The following SLC35D1 variants were observed in gnomAD, a reference collection of about 807,000 sequenced individuals.
The protein encoded by SLC35D1 is solute carrier family 35 member D1, also known as nucleotide sugar transporter SLC35D1.
SLC35D1 carries 31 observed loss-of-function variants against 46.7 expected under a neutral mutation model. That is an observed-to-expected ratio of 0.66 (90% confidence interval 0.50 to 0.90). SLC35D1 has a LOEUF of 0.90. SLC35D1 is among the 40% of genes least tolerant of loss of function. The pLI is 0.00. For missense variants in SLC35D1, 397 were observed against 426.2 expected (o/e 0.93, Z 0.60); for synonymous variants, 195 against 164.6 (o/e 1.18, Z -1.41).
chr1:67,007,433 A>T (rs910164469), intron 11 of SLC35D1, among the ~76,000 whole-genome samples: 3 of 151,678 alleles, frequency 2.0e-5, no homozygotes, highest in Non-Finnish European at 2.9e-5. Context: ...TTGGGAGTTG[A>T]GAGTTCAACA....
intron 3 of SLC35D1, 93 bp downstream of exon 3, chr1:67,052,678 G>T (rs1570648773): frequency 7.6e-7 from 1 of 1,318,626 alleles, no homozygotes; most frequent in Non-Finnish European, 1.1e-6. Flanking sequence ...CAATTTTGAG[G>T]CTGCAATTTT....
chr1:66,994,343 A>G, the SLC35D1 span, among the ~76,000 whole-genome samples: 1 of 152,190 alleles, frequency 6.6e-6, no homozygotes, highest in Non-Finnish European at 1.5e-5. Context: ...GATGAAAACA[A>G]TAAGATATTA....
At chr1:67,033,800 T>C (rs902258527) in intron 8 of SLC35D1, among the ~76,000 whole-genome samples, 4 of 152,210 alleles carry the variant, frequency 2.6e-5, no homozygotes, top group Non-Finnish European at 5.9e-5. Context: ...TATTTTCTTC[T>C]ACTAGTTTCA....
In SLC35D1 at chr1:67,035,735, T is replaced by TAG. The variant is rs1668108579; in HGVS notation, c.729+6500_729+6501insCT. Among the ~76,000 whole-genome samples the TAG allele has an allele frequency of 2.6e-5, 4 of 151,794 alleles. No homozygotes were observed. In the South Asian group the frequency reaches 8.3e-4, roughly 31 times the overall value. On this transcript the variant is annotated intron_variant, in intron 8 of 11. Coordinates refer to ENST00000235345, the MANE Select transcript of SLC35D1 (RefSeq NM_015139.3). Reference sequence around the variant, plus strand: ...TTCTTTTCTTCTACTAATTTTGGGTTTGGAACCCAAAAGAACTTGCTTTTC... The same window carrying TAG: ...TTCTTTTCTTCTACTAATTTTGGGTTAGTGGAACCCAAAAGAACTTGCTTTTC...
the SLC35D1 span, among the ~76,000 whole-genome samples, chr1:66,977,298 C>CG: frequency 6.6e-6 from 1 of 151,810 alleles, no homozygotes; most frequent in South Asian, 2.1e-4. Flanking sequence ...TTATTAGAGA[C>CG]GGGGTTTCAC....
At chr1:66,997,592 T>C (rs903441980), downstream of SLC35D1, among the ~76,000 whole-genome samples, 30 of 141,890 alleles carry the variant, frequency 2.1e-4, no homozygotes, top group Non-Finnish European at 6.1e-5. Flanking sequence ...CACACAGATA[T>C]AGAGATGTAT....
At chr1:66,973,019 A>G in the SLC35D1 span, 13 of 1,316,204 alleles carry the variant, frequency 9.9e-6, no homozygotes, top group Admixed American at 1.7e-5. Context: ...CTTTTTTGCA[A>G]AAAGAAATTT....
chr1:66,976,128 C>T, the SLC35D1 span, among the ~76,000 whole-genome samples: 72 of 151,898 alleles, frequency 4.7e-4, no homozygotes, highest in Admixed American at 4.5e-3. Flanking sequence ...CTCAGCCTCC[C>T]GAGTAGCTGG....
At chr1:67,051,343 G>GT (rs1570647522) in intron 4 of SLC35D1, among the ~76,000 whole-genome samples, 1 of 152,194 alleles carries the variant, frequency 6.6e-6, no homozygotes, top group Non-Finnish European at 1.5e-5. Context: ...AAGCCATGGG[G>GT]TTTCTGTTAA....
chr1:67,030,101 C>T (rs746235499), intron 8 of SLC35D1, among the ~76,000 whole-genome samples: 4 of 151,918 alleles, frequency 2.6e-5, no homozygotes, highest in Non-Finnish European at 4.4e-5. Context: ...CAAGAAAAGC[C>T]ATTGTACCTA....
chr1:67,038,359 T>C (rs7538922), intron 8 of SLC35D1, among the ~76,000 whole-genome samples: 7 of 152,204 alleles, frequency 4.6e-5, no homozygotes, highest in African/African-American at 1.4e-4. Flanking sequence ...CAACCTTTCC[T>C]ATAACTCCCC....
intron 11 of SLC35D1, among the ~76,000 whole-genome samples, chr1:67,008,706 G>C (rs188278810): frequency 3.6e-4 from 55 of 152,174 alleles, no homozygotes; most frequent in Non-Finnish European, 6.6e-4. Flanking sequence ...CACTAAAAAT[G>C]CTTTCAATAT....
chr1:67,010,184 G>C (rs1355039746), intron 10 of SLC35D1, among the ~76,000 whole-genome samples: 1 of 152,174 alleles, frequency 6.6e-6, no homozygotes, highest in South Asian at 2.1e-4. Context: ...AGGGCTGCTT[G>C]AGGTGGGAGG....
chr1:67,046,120 A>G (rs1223542114), intron 7 of SLC35D1, among the ~76,000 whole-genome samples: 3 of 152,122 alleles, frequency 2.0e-5, no homozygotes, highest in Non-Finnish European at 4.4e-5. Context: ...ACAAATCAAC[A>G]CCGTCCTTGG....
rs758168156 is a variant in SLC35D1 at position 67,053,941 on chromosome 1, C to A, written c.73G>T (p.Asp25Tyr). ...EAPAKSSTLR[D>Y]EEELGMASAE... is the part of the protein sequence containing the mutation. The stretch of plus-strand genomic sequence containing the variant: ...GACGCCATCCCCAGCTCCTCCTCAT[C>A]TCGGAGTGTGGAGGATTTCGCGGGG... The change falls in exon 1 of 12, where the codon GAT becomes TAT. Residue 25 changes from aspartate to tyrosine, a missense_variant. Asp to Tyr is a radical substitution (Grantham distance 160, BLOSUM62 -3). Transcript: ENST00000235345. 2 of 1,613,702 alleles carry A rather than the reference C, an allele frequency of 1.2e-6. No homozygotes were observed. The highest frequency in any genetic ancestry group is 2.7e-5 in the African/African-American group (2 of 74,924).
intron 11 of SLC35D1, among the ~76,000 whole-genome samples, chr1:67,008,202 A>T (rs1458050069): frequency 6.6e-6 from 1 of 152,054 alleles, no homozygotes; most frequent in Non-Finnish European, 1.5e-5. Flanking sequence ...GCAGCGGCGC[A>T]ATCTCGGATC....
At chr1:67,029,768 T>C (rs950035823) in intron 8 of SLC35D1, among the ~76,000 whole-genome samples, 26 of 152,184 alleles carry the variant, frequency 1.7e-4, no homozygotes, top group African/African-American at 5.8e-4. Flanking sequence ...TAAATCTACA[T>C]AATTTGTTTT....
the SLC35D1 span, among the ~76,000 whole-genome samples, chr1:66,975,736 C>T: frequency 1.3e-5 from 2 of 152,102 alleles, no homozygotes; most frequent in African/African-American, 4.8e-5. Flanking sequence ...AGGTACAGCA[C>T]AGTAAGCCGC....
chr1:67,049,419 T>C (rs771478784), intron 6 of SLC35D1, among the ~76,000 whole-genome samples: 2 of 152,270 alleles, frequency 1.3e-5, no homozygotes, highest in African/African-American at 2.4e-5. Flanking sequence ...ACTTAAGTTT[T>C]AGTTTCTTCA....
Sources: gnomAD v4.1 joint callset for allele counts (sites outside exome capture counted in the v4.1 genomes callset) on GRCh38, gnomAD v4.1.1 for gene constraint, MANE v1.5 for transcripts, NCBI Gene and HGNC (gene_info 2026-07-23, HGNC 2026-07-21) for gene names.